The following UBXN2B variants were observed in gnomAD, a reference collection of about 807,000 sequenced individuals.
The protein encoded by UBXN2B is UBX domain-containing protein 2B.
Under a neutral mutation model 37.5 loss-of-function variants are expected in UBXN2B, and 19 were observed. The ratio of observed to expected loss-of-function variants is 0.51; its 90% CI spans 0.35 to 0.74. The LOEUF (loss-of-function observed/expected upper bound fraction) is 0.74, where lower values mean the gene tolerates loss of function less well. Ranked by LOEUF, UBXN2B falls within the 30% of genes least tolerant of loss-of-function variation. UBXN2B has a pLI of 0.01. For synonymous variants in UBXN2B, 145 were observed against 143.8 expected, an observed-to-expected ratio of 1.01 and a Z score of -0.06; for missense variants, 370 against 393.2, an observed-to-expected ratio of 0.94 and a Z score of 0.50.
intron 6 of UBXN2B, among the ~76,000 whole-genome samples, chr8:58,440,527 G>C (rs903429470): frequency 6.6e-6 from 1 of 152,200 alleles, no homozygotes; most frequent in South Asian, 2.1e-4. Context: ...ATGGCAGAAT[G>C]TATGAGTGGT....
At chr8:58,431,348 C>T (rs1808271323) in intron 3 of UBXN2B, among the ~76,000 whole-genome samples, 1 of 152,142 alleles carries the variant, frequency 6.6e-6, no homozygotes, top group African/African-American at 2.4e-5. Context: ...TTTGGAATAG[C>T]TTTTTTCACT....
chr8:58,440,821 T>G (rs1490788365), intron 6 of UBXN2B, among the ~76,000 whole-genome samples: 4 of 152,264 alleles, frequency 2.6e-5, no homozygotes, highest in Middle Eastern at 3.4e-3. Context: ...ATCTCTAGTC[T>G]CCCTTTCTGT....
intron 5 of UBXN2B, among the ~76,000 whole-genome samples, chr8:58,438,433 C>G (rs1488420861): frequency 6.6e-6 from 1 of 152,226 alleles, no homozygotes; most frequent in Non-Finnish European, 1.5e-5. Context: ...AGGGCCAGAG[C>G]TGCCCAAAGC....
At chr8:58,429,954 C>T (rs946672625) in intron 2 of UBXN2B, among the ~76,000 whole-genome samples, 2 of 152,070 alleles carry the variant, frequency 1.3e-5, no homozygotes, top group Admixed American at 6.5e-5. Flanking sequence ...AGAAATTGGT[C>T]GCCAAAAAAT....
chr8:58,419,502 T>G (rs1807870393), intron 2 of UBXN2B, among the ~76,000 whole-genome samples: 1 of 152,212 alleles, frequency 6.6e-6, no homozygotes, highest in East Asian at 1.9e-4. Flanking sequence ...ACCCTCAGGA[T>G]ATAGTCTGAT....
At chr8:58,417,088 C>A in intron 2 of UBXN2B, 135 bp downstream of exon 2, 2 of 643,952 alleles carry the variant, frequency 3.1e-6, no homozygotes, top group Non-Finnish European at 2.4e-6. Context: ...AAGATCGAGG[C>A]AGATTTGGAT....
chr8:58,424,407 G>T (rs1243267041), intron 2 of UBXN2B, among the ~76,000 whole-genome samples: 2 of 152,208 alleles, frequency 1.3e-5, no homozygotes, highest in Non-Finnish European at 2.9e-5. Context: ...GTATTGTTGA[G>T]TTAAAATACA....
At chr8:58,442,733 TCA>T (rs1416431635) in intron 6 of UBXN2B, among the ~76,000 whole-genome samples, 1 of 152,198 alleles carries the variant, frequency 6.6e-6, no homozygotes, top group Non-Finnish European at 1.5e-5. Context: ...CCTAACAAAA[TCA>T]CAGAGTCATT....
intron 5 of UBXN2B, among the ~76,000 whole-genome samples, chr8:58,436,900 C>T (rs971641970): frequency 5.9e-5 from 9 of 152,140 alleles, no homozygotes; most frequent in Non-Finnish European, 1.0e-4. Context: ...TTATAAATTA[C>T]CCAGCCTCAA....
Position 58,433,188 on chromosome 8 carries a change from G to A in UBXN2B, c.368G>A (p.Gly123Asp), listed in dbSNP as rs1466273152. Residue 123 changes from glycine (G) to aspartate (D), a missense_variant, in exon 4 of 8, where the codon GGT (glycine) becomes GAT (aspartate). Physicochemically the swap from Gly to Asp is moderately conservative, Grantham distance 94 (BLOSUM62 -1). Coordinates refer to ENST00000399598, the MANE Select transcript of UBXN2B (RefSeq NM_001077619.2). ...KSFTGGGYRL[G>D]SSFCKRSEYI... ...TTTACAGGTGGAGGATACAGATTGG[G>A]TAGTTCTTTTTGTAAGCGGTCTGAA... is the stretch of plus-strand genomic sequence containing the variant. The A allele has an allele frequency of 6.2e-7, 1 of 1,613,098 alleles. No homozygotes were observed.
chr8:58,439,961 TTAA>T (rs1263897069), intron 6 of UBXN2B, among the ~76,000 whole-genome samples, 191 bp downstream of exon 6: 1 of 152,154 alleles, frequency 6.6e-6, no homozygotes, highest in African/African-American at 2.4e-5. Context: ...AATTGTGATA[TTAA>T]TAATACTGTA....
intron 2 of UBXN2B, among the ~76,000 whole-genome samples, chr8:58,421,631 A>G (rs959678327): frequency 6.6e-6 from 1 of 151,596 alleles, no homozygotes; most frequent in Non-Finnish European, 1.5e-5. Context: ...CTCAGCAACC[A>G]CCTCTTTGGA....
intron 1 of UBXN2B, 52 bp from the exon 2 acceptor site, chr8:58,416,798 G>A (rs1489177150): frequency 7.3e-6 from 11 of 1,498,864 alleles, no homozygotes; most frequent in Non-Finnish European, 1.0e-5. Flanking sequence ...CTAGTTGTAT[G>A]GAAGAGGTTA....
intron 7 of UBXN2B, among the ~76,000 whole-genome samples, chr8:58,446,365 G>A (rs1005324308): frequency 2.0e-5 from 3 of 152,000 alleles, no homozygotes; most frequent in African/African-American, 7.2e-5. Flanking sequence ...ATATGAAGTC[G>A]AATCAGATTT....
intron 1 of UBXN2B, among the ~76,000 whole-genome samples, chr8:58,412,421 G>A (rs1204508067): frequency 6.6e-6 from 1 of 152,214 alleles, no homozygotes; most frequent in Non-Finnish European, 1.5e-5. Context: ...TTTCTTCGGA[G>A]AAATAGGGTA....
intron 6 of UBXN2B, 30 bp from the exon 7 acceptor site, chr8:58,445,877 T>C (rs1053131875): frequency 1.3e-6 from 2 of 1,548,384 alleles, no homozygotes; most frequent in Non-Finnish European, 1.7e-6. Context: ...TTTTACACAT[T>C]CAGATTTGTG....
Position 58,447,543 on chromosome 8 carries a change from C to T in UBXN2B, c.988C>T (p.Leu330=). The part of the protein sequence containing the change: ...DILNTVLLQQ[L]K ...TCTTAACACTGTGTTACTCCAGCAA[C>T]TAAAATAATATTGTTCCTGTCCATG... The change falls in exon 8 of 8, where the codon CTA becomes TTA. Residue 330 remains leucine (L), a synonymous_variant. Coordinates refer to ENST00000399598, the MANE Select transcript of UBXN2B (RefSeq NM_001077619.2). 6.2e-7 allele frequency: 1 copy of T among 1,609,258 alleles called. No homozygotes were observed. Among genetic ancestry groups the T allele is most frequent in the Non-Finnish European group, 8.5e-7 (1 of 1,177,124 alleles).
chr8:58,423,234 A>G (rs1807976326), intron 2 of UBXN2B, among the ~76,000 whole-genome samples: 3 of 152,122 alleles, frequency 2.0e-5, no homozygotes, highest in Admixed American at 2.0e-4. Context: ...TCAGAGGTCT[A>G]GCTACCTGCC....
intron 6 of UBXN2B, among the ~76,000 whole-genome samples, chr8:58,443,119 G>A (rs1181110818): frequency 6.6e-6 from 1 of 152,176 alleles, no homozygotes. Flanking sequence ...GGCCTGAGCT[G>A]CTTTCCTAAA....
Sources: allele counts gnomAD v4.1 joint callset (sites outside exome capture counted in the v4.1 genomes callset), GRCh38; gene constraint gnomAD v4.1.1; transcripts MANE v1.5; gene names NCBI Gene and HGNC (gene_info 2026-07-23, HGNC 2026-07-21).